The following ATP2B2 variants were observed in gnomAD, a reference collection of about 807,000 sequenced individuals.
ATP2B2 encodes ATPase plasma membrane Ca2+ transporting 2, also known as plasma membrane calcium-transporting ATPase 2.
Under a neutral mutation model 120.0 loss-of-function variants are expected in ATP2B2, and 15 were observed. The ratio of observed to expected loss-of-function variants is 0.12; its 90% CI spans 0.08 to 0.19. ATP2B2 has a LOEUF of 0.19. Among genes scored for constraint, ATP2B2 ranks in the 10% least tolerant of loss-of-function variants. The pLI, the probability that ATP2B2 is intolerant of heterozygous loss-of-function variation, is 1.00. For synonymous variants in ATP2B2, 694 were observed against 700.3 expected, an observed-to-expected ratio of 0.99 and a Z score of 0.14; for missense variants, 1,045 against 1,719.8, an observed-to-expected ratio of 0.61 and a Z score of 6.94.
At chr3:10,665,919 A>T (rs751280627) in intron 1 of ATP2B2, among the ~76,000 whole-genome samples, 1 of 152,212 alleles carries the variant, frequency 6.6e-6, no homozygotes, top group Non-Finnish European at 1.5e-5. Flanking sequence ...AGAAAAACCT[A>T]GAGAGGGATT....
At chr3:10,430,880 T>C (rs892660317) in intron 2 of ATP2B2, among the ~76,000 whole-genome samples, 1 of 151,086 alleles carries the variant, frequency 6.6e-6, no homozygotes, top group Non-Finnish European at 1.5e-5. Context: ...CTTGGTGGCC[T>C]CTTGGGGCTT....
chr3:10,328,544 C>CCGTAT lies in ATP2B2; in HGVS notation c.*269_*270insATACG. ...TGGCTGGTCCATGTCTGGGTGGGAG[C>CCGTAT]CAGGAAGGGCTTGTTTTGGGAAAAC... On this transcript the variant is annotated 3_prime_UTR_variant, in exon 23 of 23. Transcript: ENST00000360273. The CCGTAT allele has an allele frequency of 2.1e-6, 1 of 472,034 alleles. No individual in the cohort carries two copies. Among genetic ancestry groups the CCGTAT allele is most frequent in the Admixed American group, 3.8e-5 (1 of 26,542 alleles). 29.2% of individuals were successfully genotyped at this position (472,034 alleles called of 1,614,324 possible).
chr3:10,611,363 G>A (rs915328523), intron 2 of ATP2B2, among the ~76,000 whole-genome samples: 22 of 152,178 alleles, frequency 1.4e-4, no homozygotes, highest in Non-Finnish European at 2.6e-4. Flanking sequence ...GTGTGGCTGC[G>A]GAGAGCTTGG....
intron 2 of ATP2B2, among the ~76,000 whole-genome samples, chr3:10,536,968 A>G (rs1033500341): frequency 2.0e-5 from 3 of 152,160 alleles, no homozygotes; most frequent in African/African-American, 7.2e-5. Context: ...CGGATGTCCA[A>G]TTGCTCTAGC....
chr3:10,350,082 C>T (rs1257901024), intron 16 of ATP2B2, 30 bp downstream of exon 16: 6 of 1,609,240 alleles, frequency 3.7e-6, no homozygotes. Context: ...TGCTGGGCTT[C>T]AGGATTGCCC....
Position 10,439,450 on chromosome 3 carries a change from C to T in ATP2B2, c.199+9895G>A, listed in dbSNP as rs188162952. Among the ~76,000 whole-genome samples the T allele has an allele frequency of 1.7e-3, 261 of 152,226 alleles. 5 individuals are homozygous for T. Among genetic ancestry groups the T allele is most frequent in the Admixed American group, 0.016 (238 of 15,300 alleles). ...GTCACATGCATCCCCTTGGGGCCCC[C>T]GCAAAGACCAACTTCGCCTAAGACC... On this transcript the variant is annotated intron_variant, in intron 2 of 22. Transcript: ENST00000360273.
intron 2 of ATP2B2, among the ~76,000 whole-genome samples, chr3:10,553,930 C>A (rs1450834515): frequency 1.3e-5 from 2 of 150,400 alleles, no homozygotes. Context: ...ATCCCAGGGG[C>A]CCCTGGGGTT....
chr3:10,583,100 C>T (rs2068428379), intron 2 of ATP2B2, among the ~76,000 whole-genome samples: 1 of 152,188 alleles, frequency 6.6e-6, no homozygotes, highest in African/African-American at 2.4e-5. Context: ...GTGCATTTGT[C>T]ATCACGACCT....
intron 2 of ATP2B2, among the ~76,000 whole-genome samples, chr3:10,420,010 T>C (rs1283979077): frequency 1.3e-5 from 2 of 152,224 alleles, no homozygotes; most frequent in Non-Finnish European, 2.9e-5. Flanking sequence ...ATATTTAAAA[T>C]GTAGCCTGAG....
intron 2 of ATP2B2, among the ~76,000 whole-genome samples, chr3:10,572,532 T>C (rs932663755): frequency 1.3e-5 from 2 of 152,192 alleles, no homozygotes; most frequent in African/African-American, 4.8e-5. Context: ...TTTAGCACAA[T>C]TAAAAAATAC....
intron 2 of ATP2B2, among the ~76,000 whole-genome samples, chr3:10,420,637 C>A (rs2062945052): frequency 6.6e-6 from 1 of 152,256 alleles, no homozygotes; most frequent in South Asian, 2.1e-4. Context: ...GCTGGGATTA[C>A]AGGTATGAGC....
chr3:10,480,167 G>T (rs666854), intron 1 of ATP2B2, among the ~76,000 whole-genome samples: 70,520 of 151,526 alleles, frequency 0.47, 17,692 homozygotes, highest in Non-Finnish European at 0.56. Flanking sequence ...GGGGAAGGGT[G>T]TATTCACTTT....
chr3:10,472,420 A>G (rs1308628147), intron 1 of ATP2B2, among the ~76,000 whole-genome samples: 1 of 152,082 alleles, frequency 6.6e-6, no homozygotes, highest in Non-Finnish European at 1.5e-5. Flanking sequence ...TGCTGGGGGG[A>G]CGCTGCGGGG....
intron 2 of ATP2B2, among the ~76,000 whole-genome samples, chr3:10,574,292 G>A (rs1031002549): frequency 3.9e-5 from 6 of 152,164 alleles, no homozygotes; most frequent in Non-Finnish European, 7.3e-5. Context: ...GGGTAAGGTG[G>A]TCGCTGAATG....
chr3:10,346,289 G>T lies in ATP2B2; in HGVS notation c.2405-152C>A. On this transcript the variant is annotated intron_variant, in intron 16 of 22. Transcript: ENST00000360273. The surrounding 1 kb of genome is among the most constrained non-coding windows in gnomAD (Gnocchi z 4.1). The stretch of plus-strand genomic sequence containing the variant: ...TCCATCCAGGCTCTTCCCAGCTCCA[G>T]GCTGGCCTATAGCTGCCAGCAGGTT... 1 of 799,868 alleles carries T rather than the reference G, an allele frequency of 1.3e-6. No homozygotes were observed. The allele number at this position is 799,868 out of a possible 1,614,324, so 49.5% of individuals were successfully genotyped here. A position where few individuals can be genotyped will look rare whatever the true frequency, so the allele number is the denominator to read the frequency against.
chr3:10,534,413 A>C (rs1575469037), intron 2 of ATP2B2, among the ~76,000 whole-genome samples: 1 of 152,242 alleles, frequency 6.6e-6, no homozygotes, highest in South Asian at 2.1e-4. Context: ...GGCAGGCCCC[A>C]GAGAGAGGGC....
chr3:10,359,997 A>C lies in ATP2B2; in HGVS notation c.1786T>G (p.Leu596Val). ...GAGTTGAAGGTGTACACTTTGTACA[A>C]CTTCTCCTCTGGCATCTGGCTGCGC... ...PVRSQMPEEK[L>V]YKVYTFNSVR... Residue 596 changes from leucine (L) to valine (V), a missense_variant, in exon 13 of 23, where the codon TTG becomes GTG. Transcript: ENST00000360273. 1 of 1,614,176 alleles carries C rather than the reference A, an allele frequency of 6.2e-7. No individual in the cohort carries two copies. The highest frequency in any genetic ancestry group is 2.2e-5 in the East Asian group (1 of 44,884).
chr3:10,365,969 C>T (rs1242393087), intron 12 of ATP2B2, among the ~76,000 whole-genome samples: 2 of 141,776 alleles, frequency 1.4e-5, no homozygotes, highest in African/African-American at 2.6e-5. Context: ...CTTCCAGAGA[C>T]GGTGTTCGCC....
At chr3:10,636,478 C>T (rs193002184) in intron 1 of ATP2B2, among the ~76,000 whole-genome samples, 14 of 152,298 alleles carry the variant, frequency 9.2e-5, no homozygotes, top group African/African-American at 2.4e-4. Flanking sequence ...ATTGTTCTAA[C>T]GATCAAACTG....
Sources: gnomAD v4.1 joint callset for allele counts (sites outside exome capture counted in the v4.1 genomes callset) on GRCh38, gnomAD v4.1.1 for gene constraint, Gnocchi (gnomAD v3.1) non-coding constraint, MANE v1.5 for transcripts, NCBI Gene and HGNC (gene_info 2026-07-23, HGNC 2026-07-21) for gene names.